Variants in PRKD1 observed in about 807,000 individuals in gnomAD.
The protein encoded by PRKD1 is serine/threonine-protein kinase D1.
PRKD1 carries 63 observed loss-of-function variants against 95.9 expected under a neutral mutation model. The observed-to-expected ratio is 0.66, with a 90% confidence interval of 0.54 to 0.81. The LOEUF is 0.81. PRKD1 is among the 30% of genes least tolerant of loss of function. PRKD1 has a pLI of 0.00. For synonymous variants in PRKD1, 425 were observed against 423.1 expected (o/e 1.00, Z -0.05); for missense variants, 1,048 against 1,165.3 (o/e 0.90, Z 1.47).
chr14:29,608,421 CTTTTA>C (rs776224609), intron 13 of PRKD1, among the ~76,000 whole-genome samples: 2 of 151,822 alleles, frequency 1.3e-5, no homozygotes, highest in Non-Finnish European at 1.5e-5. Flanking sequence ...ACATAAAAGT[CTTTTA>C]TTTTATTCTT....
Position 29,809,497 on chromosome 14 carries a change from T to C in PRKD1, c.265-83823A>G, listed in dbSNP as rs374705663. Among the ~76,000 whole-genome samples the C allele has an allele frequency of 3.4e-4, 52 of 152,348 alleles. 2 individuals carry two copies. The highest frequency in any genetic ancestry group is 1.2e-3 in the African/African-American group (50 of 41,586). On this transcript the variant is annotated intron_variant, in intron 1 of 17. Coordinates refer to ENST00000331968, the MANE Select transcript of PRKD1 (RefSeq NM_002742.3). The stretch of plus-strand genomic sequence containing the variant: ...AGCCACCTTCATCAATGATCTTAGC[T>C]AGATCTTCTGGATAACTTGCTGATG...
chr14:29,745,491 T>TA lies in PRKD1; in HGVS notation c.265-19818dup, dbSNP rs200811882. Among the ~76,000 whole-genome samples the TA allele has an allele frequency of 6.0e-3, 907 of 152,284 alleles. 8 individuals carry two copies. Among genetic ancestry groups the TA allele is most frequent in the African/African-American group, 0.02 (843 of 41,552 alleles). ...ATCATTATTGTTATTATTTTTGAGA[T>TA]AGAGTCTTGATGCATCACCCAGGCT... On this transcript the variant is annotated intron_variant, in intron 1 of 17. Coordinates refer to ENST00000331968, the MANE Select transcript of PRKD1 (RefSeq NM_002742.3).
intron 2 of PRKD1, among the ~76,000 whole-genome samples, chr14:29,667,340 A>T (rs1177202896): frequency 2.6e-5 from 4 of 152,196 alleles, no homozygotes; most frequent in Non-Finnish European, 5.9e-5. Context: ...AACCATATGA[A>T]CTTAACTTTG....
At chr14:29,594,144 G>C (rs1347820264) in intron 16 of PRKD1, 3 of 452,528 alleles carry the variant, frequency 6.6e-6, no homozygotes, top group Non-Finnish European at 1.3e-5. Flanking sequence ...CCAAGATATA[G>C]GTATTATATT....
chr14:29,663,651 C>T, intron 4 of PRKD1, 48 bp downstream of exon 4: 1 of 1,592,408 alleles, frequency 6.3e-7, no homozygotes, highest in Non-Finnish European at 8.6e-7. Context: ...CACATCACCC[C>T]ACAGATTTCT....
intron 1 of PRKD1, among the ~76,000 whole-genome samples, chr14:29,780,290 G>A (rs988467830): frequency 6.6e-6 from 1 of 152,106 alleles, no homozygotes; most frequent in East Asian, 1.9e-4. Flanking sequence ...TAACAAATGG[G>A]ATCTAATTAA....
intron 16 of PRKD1, among the ~76,000 whole-genome samples, chr14:29,587,804 C>CT (rs1892988149): frequency 6.6e-6 from 1 of 152,118 alleles, no homozygotes; most frequent in Non-Finnish European, 1.5e-5. Flanking sequence ...AAAGTTCCTT[C>CT]TTATTGTATA....
intron 16 of PRKD1, among the ~76,000 whole-genome samples, chr14:29,585,890 T>C (rs1892906915): frequency 6.6e-6 from 1 of 152,248 alleles, no homozygotes; most frequent in African/African-American, 2.4e-5. Flanking sequence ...TTGATATTTG[T>C]ATCAATATTT....
intron 2 of PRKD1, among the ~76,000 whole-genome samples, chr14:29,719,077 A>ATAAAATG (rs1198061074): frequency 6.6e-6 from 1 of 152,082 alleles, no homozygotes; most frequent in East Asian, 1.9e-4. Flanking sequence ...AAGAAGCTTA[A>ATAAAATG]TAAAATGTTG....
intron 1 of PRKD1, among the ~76,000 whole-genome samples, chr14:29,910,156 C>T (rs535534446): frequency 6.6e-6 from 1 of 152,276 alleles, no homozygotes. Flanking sequence ...AGCTGTAACA[C>T]TCACTGCGAA....
intron 13 of PRKD1, among the ~76,000 whole-genome samples, chr14:29,609,575 C>G (rs897837598): frequency 1.4e-4 from 21 of 151,330 alleles, no homozygotes; most frequent in Non-Finnish European, 2.5e-4. Flanking sequence ...GAGTCTTGCT[C>G]TGTCAGCCAG....
At chr14:29,729,946 G>A (rs1229781939) in intron 1 of PRKD1, among the ~76,000 whole-genome samples, 2 of 152,040 alleles carry the variant, frequency 1.3e-5, no homozygotes, top group African/African-American at 4.8e-5. Flanking sequence ...ACTAGAAGAT[G>A]TGGAGACAAC....
intron 1 of PRKD1, among the ~76,000 whole-genome samples, chr14:29,906,290 GCACTTTGGGAAGCCAA>G (rs1894493290): frequency 6.6e-6 from 1 of 152,198 alleles, no homozygotes; most frequent in African/African-American, 2.4e-5. Flanking sequence ...TGCAACCCCA[GCACTTTGGGAAGCCAA>G]GGCAGGAGGA....
chr14:29,737,094 G>A (rs916027719), intron 1 of PRKD1, among the ~76,000 whole-genome samples: 3 of 151,074 alleles, frequency 2.0e-5, no homozygotes, highest in South Asian at 2.1e-4. Context: ...AGGCCGAGGC[G>A]GGTGGATCAT....
intron 16 of PRKD1, among the ~76,000 whole-genome samples, chr14:29,584,791 T>C (rs1273103540): frequency 1.3e-5 from 2 of 152,216 alleles, no homozygotes; most frequent in East Asian, 3.9e-4. Flanking sequence ...GATCAGTGAC[T>C]TCTTTTAGAA....
intron 2 of PRKD1, among the ~76,000 whole-genome samples, chr14:29,686,678 C>T (rs887842862): frequency 1.3e-5 from 2 of 152,124 alleles, no homozygotes; most frequent in Non-Finnish European, 2.9e-5. Context: ...AGGTGTATGA[C>T]CTTAGATGAT....
intron 2 of PRKD1, among the ~76,000 whole-genome samples, chr14:29,685,150 G>A (rs542439914): frequency 2.0e-5 from 3 of 152,142 alleles, no homozygotes; most frequent in Non-Finnish European, 2.9e-5. Flanking sequence ...CATTCAAAGT[G>A]CAAAGAGTGG....
intron 13 of PRKD1, among the ~76,000 whole-genome samples, chr14:29,615,075 T>TA (rs1444952820): frequency 6.6e-6 from 1 of 151,948 alleles, no homozygotes; most frequent in Non-Finnish European, 1.5e-5. Flanking sequence ...CTTTAAAGTA[T>TA]AAAAACACAT....
At chr14:29,853,695 T>C (rs1414330154) in intron 1 of PRKD1, among the ~76,000 whole-genome samples, 2 of 152,192 alleles carry the variant, frequency 1.3e-5, no homozygotes, top group Non-Finnish European at 2.9e-5. Flanking sequence ...ATGAACTGCA[T>C]TGATACAGTT....
Sources: allele counts gnomAD v4.1 joint callset (sites outside exome capture counted in the v4.1 genomes callset), GRCh38; gene constraint gnomAD v4.1.1; transcripts MANE v1.5; gene names NCBI Gene and HGNC (gene_info 2026-07-23, HGNC 2026-07-21).